Variants in IPCEF1 observed in about 807,000 individuals in gnomAD.
IPCEF1 encodes the protein interaction protein for cytohesin exchange factors 1, also known as interactor protein for cytohesin exchange factors 1.
Under a neutral mutation model 50.9 loss-of-function variants are expected in IPCEF1, and 31 were observed. That is an observed-to-expected ratio of 0.61 (90% CI 0.46 to 0.82). IPCEF1 has a LOEUF of 0.82. IPCEF1 is among the 40% of genes least tolerant of loss of function. The probability of loss-of-function intolerance (pLI) is 0.00; values close to 1 mark genes in which losing one functional copy is unlikely to be tolerated. For missense variants in IPCEF1, 458 were observed against 514.0 expected (o/e 0.89, Z 1.05); for synonymous variants, 181 against 192.0 (o/e 0.94, Z 0.47).
At chr6:154,346,454 ATAC>A (rs1432148941) in intron 1 of IPCEF1, among the ~76,000 whole-genome samples, 3 of 152,200 alleles carry the variant, frequency 2.0e-5, no homozygotes, top group Non-Finnish European at 4.4e-5. Context: ...AAATTGGCAT[ATAC>A]TAATCTTTTC....
chr6:154,273,724 C>CTTT (rs71021036), intron 2 of IPCEF1, among the ~76,000 whole-genome samples: 66 of 63,312 alleles, frequency 1.0e-3, no homozygotes, highest in African/African-American at 3.4e-3. Flanking sequence ...TTCTTTCTTT[C>CTTT]TTTTTTTTTT....
At chr6:154,251,884 T>C (rs908269541) in intron 3 of IPCEF1, among the ~76,000 whole-genome samples, 7 of 151,710 alleles carry the variant, frequency 4.6e-5, no homozygotes, top group African/African-American at 1.7e-4. Flanking sequence ...ATGTAGAAAG[T>C]GGGGAAGAGC....
chr6:154,277,727 C>A (rs1314982848), intron 2 of IPCEF1, among the ~76,000 whole-genome samples: 2 of 152,210 alleles, frequency 1.3e-5, no homozygotes, highest in East Asian at 3.8e-4. Flanking sequence ...GCTGGCCAGC[C>A]ACTTTACTTC....
At chr6:154,223,894 A>G (rs1779054340) in intron 5 of IPCEF1, among the ~76,000 whole-genome samples, 1 of 152,244 alleles carries the variant, frequency 6.6e-6, no homozygotes, top group Non-Finnish European at 1.5e-5. Context: ...TCTACAAAGA[A>G]AAGACTGCAT....
chr6:154,343,934 A>G (rs1337846750), intron 1 of IPCEF1, among the ~76,000 whole-genome samples: 1 of 152,166 alleles, frequency 6.6e-6, no homozygotes, highest in African/African-American at 2.4e-5. Context: ...CCGACCTCAC[A>G]TATCCCCACG....
At chr6:154,191,161 T>G (rs9322449) in intron 10 of IPCEF1, among the ~76,000 whole-genome samples, 25,686 of 152,016 alleles carry the variant, frequency 0.17, 2,510 homozygotes, top group East Asian at 0.43. Flanking sequence ...TACCATATAA[T>G]TGCAACTATG....
At chr6:154,223,340 CAT>C (rs2128618544) in intron 5 of IPCEF1, 97 bp from the exon 6 acceptor site, 1 of 948,336 alleles carries the variant, frequency 1.1e-6, no homozygotes, top group Admixed American at 2.0e-5. Flanking sequence ...GTATAAATGA[CAT>C]GAGGGAGAAT....
chr6:154,246,988 A>G (rs1247400443), intron 4 of IPCEF1: 2 of 500,020 alleles, frequency 4.0e-6, no homozygotes, highest in East Asian at 6.3e-5. Context: ...CATTTGTTTC[A>G]TGCTTAGAAG....
chr6:154,343,937 TCC>T (rs1382834103), intron 1 of IPCEF1, among the ~76,000 whole-genome samples: 1 of 152,078 alleles, frequency 6.6e-6, no homozygotes, highest in Non-Finnish European at 1.5e-5. Flanking sequence ...ACCTCACATA[TCC>T]CCACGTGTGT....
At chr6:154,235,349 G>A (rs1252839941) in intron 5 of IPCEF1, among the ~76,000 whole-genome samples, 1 of 152,086 alleles carries the variant, frequency 6.6e-6, no homozygotes, top group Non-Finnish European at 1.5e-5. Context: ...TGGCCCACAT[G>A]GCGAAAACCC....
In IPCEF1 at chr6:154,160,126, A is replaced by T. The variant is rs1002679544; in HGVS notation, c.1105-86T>A. The T allele has an allele frequency of 3.0e-6, 3 of 989,776 alleles. No individual in the cohort carries two copies. In the African/African-American group the frequency reaches 4.9e-5, roughly 16 times the overall value. 61.3% of individuals were successfully genotyped at this position (989,776 alleles called of 1,614,324 possible). A position where few individuals can be genotyped will look rare whatever the true frequency, so the allele number is the denominator to read the frequency against. On this transcript the variant is annotated intron_variant, in intron 11 of 11. Coordinates refer to ENST00000367220, the MANE Select transcript of IPCEF1 (RefSeq NM_001130700.2). The stretch of plus-strand genomic sequence containing the variant: ...CATCTTTACCAACTCTTTTACAAGT[A>T]CACATATACATAAAATTACCAAAGC...
intron 1 of IPCEF1, among the ~76,000 whole-genome samples, chr6:154,327,170 C>T (rs980655373): frequency 3.3e-5 from 5 of 152,224 alleles, no homozygotes; most frequent in South Asian, 2.1e-4. Context: ...GATTTCATGA[C>T]GGAAATGCCA....
intron 1 of IPCEF1, among the ~76,000 whole-genome samples, chr6:154,354,561 C>T (rs1784182516): frequency 6.8e-6 from 1 of 148,144 alleles, no homozygotes; most frequent in African/African-American, 2.5e-5. Flanking sequence ...CCTCCACCAT[C>T]GCCTCCACAA....
intron 1 of IPCEF1, among the ~76,000 whole-genome samples, chr6:154,333,291 G>A (rs545430173): frequency 3.0e-4 from 46 of 152,050 alleles, no homozygotes; most frequent in African/African-American, 9.9e-4. Flanking sequence ...GGGGAAGGCA[G>A]ATCCACTCTT....
chr6:154,237,307 G>A (rs111996570), intron 5 of IPCEF1, among the ~76,000 whole-genome samples: 2 of 152,284 alleles, frequency 1.3e-5, no homozygotes, highest in African/African-American at 4.8e-5. Context: ...GGTGGAAAAC[G>A]CTGTATTGAC....
chr6:154,222,546 G>C (rs1362580474), intron 6 of IPCEF1, among the ~76,000 whole-genome samples: 2 of 152,208 alleles, frequency 1.3e-5, no homozygotes, highest in Non-Finnish European at 2.9e-5. Flanking sequence ...ACTTGAATGA[G>C]AGTCTATAGA....
chr6:154,255,100 T>C (rs1322738439), intron 3 of IPCEF1, among the ~76,000 whole-genome samples: 1 of 152,170 alleles, frequency 6.6e-6, no homozygotes, highest in East Asian at 1.9e-4. Context: ...TTATTATGAT[T>C]TAAGTTATTA....
At chr6:154,288,667 CAAAAAAAACAAAAAAA>C (rs869201758) in intron 2 of IPCEF1, among the ~76,000 whole-genome samples, 1,522 of 112,566 alleles carry the variant, frequency 0.014, 14 homozygotes, top group African/African-American at 0.04. Flanking sequence ...GTCTAAAAAA[CAAAAAAAACAAAAAAA>C]AAAAAAAAAA....
chr6:154,276,510 A>G (rs1444369538), intron 2 of IPCEF1, among the ~76,000 whole-genome samples: 1 of 152,144 alleles, frequency 6.6e-6, no homozygotes, highest in Admixed American at 6.5e-5. Flanking sequence ...AACTGTTGCA[A>G]ACTGTTTTCA....
Sources: allele counts gnomAD v4.1 joint callset (sites outside exome capture counted in the v4.1 genomes callset), GRCh38; gene constraint gnomAD v4.1.1; transcripts MANE v1.5; gene names NCBI Gene and HGNC (gene_info 2026-07-23, HGNC 2026-07-21).